PARP1: variants seen among roughly 807,000 people sequenced by gnomAD.
PARP1 encodes poly [ADP-ribose] polymerase 1.
Under a neutral mutation model 118.7 loss-of-function variants are expected in PARP1, and 44 were observed. The ratio of observed to expected loss-of-function variants is 0.37; its 90% CI spans 0.29 to 0.48. The LOEUF (loss-of-function observed/expected upper bound fraction) is 0.48. PARP1 is among the 20% of genes least tolerant of loss of function. The pLI, the probability that PARP1 is intolerant of heterozygous loss-of-function variation, is 0.99. For missense variants in PARP1, 1,100 were observed against 1,272.4 expected, an observed-to-expected ratio of 0.86 and a Z score of 2.06; for synonymous variants, 492 against 483.2, an observed-to-expected ratio of 1.02 and a Z score of -0.24.
chr1:226,391,780 G>A (rs959916419), intron 3 of PARP1, among the ~76,000 whole-genome samples: 2 of 152,208 alleles, frequency 1.3e-5, no homozygotes, highest in Admixed American at 1.3e-4. Context: ...TCTCTGACTG[G>A]CTGTCAGCCT....
rs752903317 is a variant in PARP1 at position 226,366,067 on chromosome 1, T to C, written c.2407-15A>G. On this transcript the variant is annotated splice_polypyrimidine_tract_variant and intron_variant, in intron 17 of 22. Transcript: ENST00000366794. ...CTGTCAACCACCTGGATAAACAGAA[T>C]CTTGGGATTAGCACAAAAGAGACCC... The C allele has an allele frequency of 6.4e-7, 1 of 1,574,178 alleles. No homozygotes were observed. Among genetic ancestry groups the C allele is most frequent in the Non-Finnish European group, 8.7e-7 (1 of 1,143,632 alleles).
chr1:226,391,380 TCCCCAGTCCCCAGG>T (rs1416998105), intron 3 of PARP1, among the ~76,000 whole-genome samples: 1 of 151,962 alleles, frequency 6.6e-6, no homozygotes, highest in African/African-American at 2.4e-5. Context: ...CCTGCCCAGG[TCCCCAGTCCCCAGG>T]CCTGATATTC....
At chr1:226,363,257 T>A in intron 20 of PARP1, 97 bp from the exon 21 acceptor site, 1 of 874,322 alleles carries the variant, frequency 1.1e-6, no homozygotes, top group Non-Finnish European at 2.0e-6. Context: ...AGAGATGAGA[T>A]AAAAGTCCAC....
intron 13 of PARP1, 117 bp from the exon 14 acceptor site, chr1:226,374,471 A>C: frequency 1.7e-6 from 2 of 1,194,842 alleles, no homozygotes; most frequent in Non-Finnish European, 2.5e-6. Flanking sequence ...CCAGCAAAAA[A>C]AGCTGAGTGT....
At chr1:226,388,494 G>A (rs900844844) in intron 5 of PARP1, among the ~76,000 whole-genome samples, 162 bp downstream of exon 5, 3 of 152,186 alleles carry the variant, frequency 2.0e-5, no homozygotes, top group Non-Finnish European at 2.9e-5. Context: ...TCTTTTGGAG[G>A]AGGAAAAAGA....
intron 12 of PARP1, 72 bp downstream of exon 12, chr1:226,379,070 G>A: frequency 6.3e-7 from 1 of 1,592,210 alleles, no homozygotes; most frequent in Non-Finnish European, 8.6e-7. Context: ...TCACAAGGCT[G>A]ATGGCACAGC....
At chr1:226,402,072 A>G in intron 2 of PARP1, 142 bp downstream of exon 2, 1 of 1,564,634 alleles carries the variant, frequency 6.4e-7, no homozygotes, top group Non-Finnish European at 8.7e-7. Context: ...GTGTTGCTGA[A>G]ATAACATGGG....
intron 2 of PARP1, among the ~76,000 whole-genome samples, chr1:226,394,736 C>T (rs980857625): frequency 6.6e-5 from 10 of 152,048 alleles, no homozygotes; most frequent in African/African-American, 2.4e-4. Flanking sequence ...GATCGTTCCA[C>T]TGCACTCCAG....
rs969970769 is a variant in PARP1, at chr1:226,392,124, T to C, written c.402+75A>G. ...GCACCCTAAAGCCCCCATTTCTTCT[T>C]TTCTCTTGAGATAGCCAATAACATC... On this transcript the variant is annotated intron_variant, in intron 3 of 22. Transcript: ENST00000366794. 7.8e-6 allele frequency: 8 copies of C among 1,024,110 alleles called. No individual in the cohort carries two copies. The African/African-American group carries it at 1.3e-4, about 16-fold the overall frequency. 63.4% of individuals were successfully genotyped at this position (1,024,110 alleles called of 1,614,324 possible).
rs1576406372 is a variant in PARP1 at position 226,408,010 on chromosome 1, G to C, written c.-81C>G. The C allele has an allele frequency of 1.0e-5, 16 of 1,587,598 alleles. No homozygotes were observed. The Admixed American group carries it at 2.1e-4, about 21-fold the overall frequency. ...GCTGCCGCCTCGCCGCCTCGCGTGCGCTCACCCAGCCGCAGGCGCCTGAGC... is the reference window on the plus strand; with the variant it reads ...GCTGCCGCCTCGCCGCCTCGCGTGCCCTCACCCAGCCGCAGGCGCCTGAGC... On this transcript the variant is annotated 5_prime_UTR_variant, in exon 1 of 23. Transcript: ENST00000366794.
chr1:226,405,463 G>A (rs1665128772), intron 1 of PARP1, among the ~76,000 whole-genome samples: 1 of 151,996 alleles, frequency 6.6e-6, no homozygotes, highest in Non-Finnish European at 1.5e-5. Context: ...GCACCACCAC[G>A]ACCCGCTAAT....
At chr1:226,397,126 C>G (rs1664939013) in intron 2 of PARP1, among the ~76,000 whole-genome samples, 1 of 126,724 alleles carries the variant, frequency 7.9e-6, no homozygotes, top group Non-Finnish European at 1.6e-5. Flanking sequence ...ATCCCTTGGG[C>G]AACACAGTGA....
intron 2 of PARP1, among the ~76,000 whole-genome samples, chr1:226,398,090 T>C (rs763148123): frequency 2.3e-4 from 34 of 148,336 alleles, no homozygotes; most frequent in Admixed American, 8.1e-4. Context: ...AGAAAATCTA[T>C]ATGACCTTGG....
At chr1:226,396,103 T>C (rs1425029776) in intron 2 of PARP1, among the ~76,000 whole-genome samples, 1 of 152,210 alleles carries the variant, frequency 6.6e-6, no homozygotes, top group East Asian at 1.9e-4. Flanking sequence ...CCCAGCACTT[T>C]GGGAGGCCGA....
chr1:226,370,015 A>G (rs987841002), intron 15 of PARP1, among the ~76,000 whole-genome samples: 2 of 150,118 alleles, frequency 1.3e-5, no homozygotes, highest in Admixed American at 6.7e-5. Flanking sequence ...TCAGGATGCG[A>G]GACCCACAGA....
chr1:226,407,782 G>A (rs1176310847), intron 1 of PARP1, 28 bp downstream of exon 1: 4 of 1,431,172 alleles, frequency 2.8e-6, no homozygotes, highest in South Asian at 1.2e-5. Flanking sequence ...CCGCGTCCCC[G>A]CCCCGCCGCC....
chr1:226,362,128 G>T, intron 21 of PARP1, 45 bp from the exon 22 acceptor site: 1 of 1,053,030 alleles, frequency 9.5e-7, no homozygotes, highest in Non-Finnish European at 1.5e-6. Flanking sequence ...GAGTACAGAT[G>T]TGGCAAAGCT....
At chr1:226,403,014 CG>C (rs1576404538) in intron 1 of PARP1, among the ~76,000 whole-genome samples, 1 of 152,198 alleles carries the variant, frequency 6.6e-6, no homozygotes, top group African/African-American at 2.4e-5. Flanking sequence ...GCGGATGGTT[CG>C]GGGCAGCATG....
chr1:226,400,727 TGTGCAGAGGCCAGGAACACAGTCTGGAA>T (rs1176317064), intron 2 of PARP1, among the ~76,000 whole-genome samples: 2 of 152,210 alleles, frequency 1.3e-5, no homozygotes, highest in East Asian at 3.9e-4. Context: ...AGGGCGTGAC[TGTGCAGAGGCCAGGAACACAGTCTGGAA>T]GTGCAGAGAA....
Sources: gnomAD v4.1 joint callset for allele counts (sites outside exome capture counted in the v4.1 genomes callset) on GRCh38, gnomAD v4.1.1 for gene constraint, MANE v1.5 for transcripts, NCBI Gene and HGNC (gene_info 2026-07-23, HGNC 2026-07-21) for gene names.